HAT1: variants seen among roughly 807,000 people sequenced by gnomAD.
HAT1 encodes the protein histone acetyltransferase type B catalytic subunit.
Under a neutral mutation model 56.6 loss-of-function variants are expected in HAT1, and 20 were observed. The ratio of observed to expected loss-of-function variants is 0.35; its 90% confidence interval spans 0.25 to 0.51. The LOEUF is 0.51. HAT1 is among the 20% of genes least tolerant of loss of function. The pLI is 0.95. For missense variants in HAT1, 408 were observed against 504.3 expected, an observed-to-expected ratio of 0.81 and a Z score of 1.83; for synonymous variants, 146 against 165.5, an observed-to-expected ratio of 0.88 and a Z score of 0.91.
At chr2:171,950,180 G>A (rs1156290898) in intron 3 of HAT1, among the ~76,000 whole-genome samples, 1 of 151,834 alleles carries the variant, frequency 6.6e-6, no homozygotes, top group African/African-American at 2.4e-5. Flanking sequence ...TTGTTTGTTT[G>A]TTTTTTGAGA....
intron 2 of HAT1, among the ~76,000 whole-genome samples, chr2:171,939,401 G>A (rs1686962023): frequency 6.6e-6 from 1 of 152,192 alleles, no homozygotes. Context: ...CTCCCTTGAA[G>A]TGATAGATCA....
chr2:171,963,650 A>G (rs1687624803), intron 4 of HAT1, among the ~76,000 whole-genome samples: 1 of 152,208 alleles, frequency 6.6e-6, no homozygotes, highest in Non-Finnish European at 1.5e-5. Context: ...TAACTAACAT[A>G]CTATACTGTT....
At chr2:171,965,973 G>A (rs1245103104) in intron 6 of HAT1, 65 bp downstream of exon 6, 10 of 1,388,814 alleles carry the variant, frequency 7.2e-6, no homozygotes, top group Non-Finnish European at 1.0e-5. Context: ...TTTAATTGTG[G>A]CAGCCCAATT....
At chr2:171,979,533 C>A in intron 10 of HAT1, 170 bp downstream of exon 10, 1 of 503,974 alleles carries the variant, frequency 2.0e-6, no homozygotes, top group Non-Finnish European at 3.6e-6. Flanking sequence ...CATGGCCGGG[C>A]GTGGTGGCCC....
intron 4 of HAT1, among the ~76,000 whole-genome samples, chr2:171,959,783 C>A (rs1478152032): frequency 3.3e-5 from 5 of 151,998 alleles, no homozygotes; most frequent in African/African-American, 1.2e-4. Context: ...GAGGAACAGT[C>A]AGTAAACAAA....
intron 2 of HAT1, among the ~76,000 whole-genome samples, chr2:171,943,014 C>T (rs558493463): frequency 6.6e-6 from 1 of 151,178 alleles, no homozygotes; most frequent in Non-Finnish European, 1.5e-5. Context: ...CAAACATTTT[C>T]AAACATTAGA....
chr2:171,937,007 T>G (rs938770417), intron 2 of HAT1, among the ~76,000 whole-genome samples: 6 of 152,092 alleles, frequency 3.9e-5, no homozygotes, highest in Non-Finnish European at 8.8e-5. Context: ...CAGGCTGGAG[T>G]GCAGTGGTGT....
intron 3 of HAT1, 31 bp from the exon 4 acceptor site, chr2:171,952,850 C>T (rs1687341873): frequency 6.6e-7 from 1 of 1,510,910 alleles, no homozygotes; most frequent in African/African-American, 1.4e-5. Flanking sequence ...TGCAAAAATT[C>T]ATTCCATTAT....
intron 2 of HAT1, among the ~76,000 whole-genome samples, chr2:171,946,135 AC>A (rs1687157128): frequency 6.6e-6 from 1 of 151,986 alleles, no homozygotes; most frequent in South Asian, 2.1e-4. Context: ...ATATTTCAGT[AC>A]TCTCCCCCTA....
At chr2:171,942,315 A>G (rs1687038704) in intron 2 of HAT1, among the ~76,000 whole-genome samples, 1 of 152,244 alleles carries the variant, frequency 6.6e-6, no homozygotes, top group Non-Finnish European at 1.5e-5. Flanking sequence ...AAAGTAGATA[A>G]AAGTATATGA....
intron 1 of HAT1, 149 bp from the exon 2 acceptor site, chr2:171,925,388 A>G: frequency 7.6e-6 from 4 of 529,678 alleles, no homozygotes; most frequent in East Asian, 3.2e-5. Flanking sequence ...TAATACATTT[A>G]TTTAAGAGTA....
At position 171,933,986 on chromosome 2, in the gene HAT1, C is replaced by T. The variant is rs978512240; in HGVS notation, c.112+8345C>T. The stretch of plus-strand genomic sequence containing the variant: ...TTGAGAGAACTGTCAAAATCTCCAG[C>T]TGGAATTGTGGATTGTCTATGTCTT... On this transcript the variant is annotated intron_variant, in intron 2 of 10. Transcript: ENST00000264108. Among the ~76,000 whole-genome samples the T allele has an allele frequency of 3.3e-5, 5 of 152,152 alleles. No individual in the cohort carries two copies. The East Asian group carries it at 9.6e-4, about 29-fold the overall frequency.
At chr2:171,938,024 T>TTCATTCTCTCTC (rs1553482931) in intron 2 of HAT1, among the ~76,000 whole-genome samples, 1 of 104,802 alleles carries the variant, frequency 9.5e-6, no homozygotes, top group African/African-American at 4.0e-5. Context: ...TGTCTACTGA[T>TTCATTCTCTCTC]TCTCTCTCTC....
chr2:171,966,802 TG>T, intron 7 of HAT1, 40 bp from the exon 8 acceptor site: 1 of 916,824 alleles, frequency 1.1e-6, no homozygotes, highest in Non-Finnish European at 1.8e-6. Flanking sequence ...AAACTGGTCA[TG>T]TTATGATATT....
At chr2:171,951,558 T>C (rs1687308324) in intron 3 of HAT1, among the ~76,000 whole-genome samples, 1 of 151,496 alleles carries the variant, frequency 6.6e-6, no homozygotes, top group Non-Finnish European at 1.5e-5. Flanking sequence ...TAGCTGGGAT[T>C]ACAGGCACCC....
chr2:171,938,503 G>A lies in HAT1; in HGVS notation c.113-8205G>A, dbSNP rs903789731. The stretch of plus-strand genomic sequence containing the variant: ...TGGAATCAGTGGAAACCCTGAGCTT[G>A]TTTTCCTGCAACTAGACAGTTCCAT... On this transcript the variant is annotated intron_variant, in intron 2 of 10. Coordinates refer to ENST00000264108, the MANE Select transcript of HAT1 (RefSeq NM_003642.4). 7.2e-5 allele frequency among the ~76,000 whole-genome samples: 11 copies of A among 152,254 alleles called. No homozygotes were observed. In the South Asian group the frequency reaches 2.3e-3, roughly 32 times the overall value.
intron 4 of HAT1, among the ~76,000 whole-genome samples, chr2:171,953,644 A>AAAAAAAAAAAAAAAAAAAAAAAT (rs1687368492): frequency 6.6e-6 from 1 of 150,478 alleles, no homozygotes; most frequent in African/African-American, 2.4e-5. Flanking sequence ...AAAAAAAAAA[A>AAAAAAAAAAAAAAAAAAAAAAAT]AAAAAAAAAA....
chr2:171,975,258 C>T (rs1687930558), intron 8 of HAT1, among the ~76,000 whole-genome samples: 1 of 152,022 alleles, frequency 6.6e-6, no homozygotes, highest in Admixed American at 6.6e-5. Context: ...GCCTGCGCCA[C>T]CACTCATGGC....
chr2:171,928,726 G>C (rs1371058679), intron 2 of HAT1, among the ~76,000 whole-genome samples: 1 of 152,090 alleles, frequency 6.6e-6, no homozygotes, highest in Non-Finnish European at 1.5e-5. Context: ...GGCCAGGCTG[G>C]TCTCGAACTC....
Sources: allele counts gnomAD v4.1 joint callset (sites outside exome capture counted in the v4.1 genomes callset), GRCh38; gene constraint gnomAD v4.1.1; transcripts MANE v1.5; gene names NCBI Gene and HGNC (gene_info 2026-07-23, HGNC 2026-07-21).